The following DISP1 variants were observed in gnomAD, a reference collection of about 807,000 sequenced individuals.
DISP1 encodes protein dispatched homolog 1.
Under a neutral mutation model 37.3 loss-of-function variants are expected in DISP1, and 30 were observed. The observed-to-expected ratio is 0.80, with a 90% confidence interval of 0.60 to 1.09. The LOEUF (loss-of-function observed/expected upper bound fraction) is 1.09, where lower values mean the gene tolerates loss of function less well. Ranked by LOEUF, DISP1 falls within the 50% of genes least tolerant of loss-of-function variation. DISP1 has a pLI of 0.00. For missense variants in DISP1, 1,598 were observed against 1,879.5 expected (o/e 0.85, Z 2.77); for synonymous variants, 634 against 690.2 (o/e 0.92, Z 1.28).
chr1:222,979,096 A>G (rs1677629188), intron 3 of DISP1, among the ~76,000 whole-genome samples: 1 of 152,168 alleles, frequency 6.6e-6, no homozygotes, highest in Non-Finnish European at 1.5e-5. Flanking sequence ...CATTGAATCT[A>G]TAAATTACCT....
At chr1:222,852,333 T>G (rs533567938) in intron 1 of DISP1, among the ~76,000 whole-genome samples, 1 of 152,044 alleles carries the variant, frequency 6.6e-6, no homozygotes, top group Admixed American at 6.6e-5. Context: ...AGTTGTTTTT[T>G]GTTTGTTTGT....
intron 1 of DISP1, among the ~76,000 whole-genome samples, chr1:222,843,415 T>C (rs1391532346): frequency 6.6e-6 from 1 of 152,128 alleles, no homozygotes; most frequent in East Asian, 1.9e-4. Context: ...ACTGTTTGCT[T>C]GCTAAACCAT....
chr1:222,838,558 C>T (rs910181404), intron 1 of DISP1, among the ~76,000 whole-genome samples: 2 of 151,816 alleles, frequency 1.3e-5, no homozygotes, highest in African/African-American at 4.8e-5. Flanking sequence ...CATTTGAGGC[C>T]AGAAGTTAAA....
chr1:222,889,002 A>C (rs952616170), intron 1 of DISP1, among the ~76,000 whole-genome samples: 1 of 152,174 alleles, frequency 6.6e-6, no homozygotes. Context: ...ATTACTTGGA[A>C]TATCCATCAT....
At chr1:222,860,108 G>A (rs1247632492) in intron 1 of DISP1, among the ~76,000 whole-genome samples, 2 of 152,246 alleles carry the variant, frequency 1.3e-5, no homozygotes, top group Non-Finnish European at 2.9e-5. Context: ...CCAGGCTGGA[G>A]TGCAATGGCA....
intron 5 of DISP1, 142 bp downstream of exon 5, chr1:222,990,890 A>C: frequency 2.5e-6 from 3 of 1,209,862 alleles, no homozygotes; most frequent in Non-Finnish European, 3.6e-6. Flanking sequence ...AAGTAAAGAC[A>C]TGACTTTATC....
chr1:222,817,557 A>G (rs1661556135), intron 1 of DISP1, among the ~76,000 whole-genome samples: 1 of 152,224 alleles, frequency 6.6e-6, no homozygotes, highest in Admixed American at 6.5e-5. Flanking sequence ...ATGGGGAAGT[A>G]CAGTTTTTGG....
At chr1:222,881,483 A>G (rs1334842244) in intron 1 of DISP1, among the ~76,000 whole-genome samples, 1 of 152,224 alleles carries the variant, frequency 6.6e-6, no homozygotes, top group Non-Finnish European at 1.5e-5. Context: ...GACATGAGCC[A>G]CCGCCGCTGG....
intron 3 of DISP1, among the ~76,000 whole-genome samples, chr1:222,950,393 G>A (rs1675121608): frequency 1.3e-5 from 2 of 152,142 alleles, no homozygotes; most frequent in African/African-American, 4.8e-5. Context: ...GAGGTCAGGA[G>A]ATCGAGACCG....
At chr1:222,907,154 A>T (rs796579470) in intron 1 of DISP1, among the ~76,000 whole-genome samples, 8 of 152,282 alleles carry the variant, frequency 5.3e-5, no homozygotes, top group African/African-American at 1.7e-4. Flanking sequence ...ATTGTTGTAG[A>T]GGCAAGAATT....
intron 1 of DISP1, chr1:222,836,868 G>A (rs976003281): frequency 1.1e-5 from 4 of 379,038 alleles, no homozygotes; most frequent in Admixed American, 9.0e-5. Flanking sequence ...AATCATTGCT[G>A]GCTATGTGGC....
intron 1 of DISP1, among the ~76,000 whole-genome samples, chr1:222,830,062 C>G (rs1053807228): frequency 6.6e-6 from 1 of 152,050 alleles, no homozygotes; most frequent in African/African-American, 2.4e-5. Context: ...TCAGTAATGA[C>G]TAAGTACATT....
At chr1:222,969,137 G>A (rs1033322760) in intron 3 of DISP1, among the ~76,000 whole-genome samples, 1 of 151,766 alleles carries the variant, frequency 6.6e-6, no homozygotes, top group South Asian at 2.1e-4. Context: ...TTGGGAGGCT[G>A]AGGTGGGTGG....
chr1:222,877,332 C>T (rs188676785), intron 1 of DISP1, among the ~76,000 whole-genome samples: 28 of 152,246 alleles, frequency 1.8e-4, no homozygotes, highest in African/African-American at 6.7e-4. Flanking sequence ...CAAAGAGGAG[C>T]AACTCACCTC....
At chr1:222,887,857 A>T (rs1007115591) in intron 1 of DISP1, among the ~76,000 whole-genome samples, 11 of 152,196 alleles carry the variant, frequency 7.2e-5, no homozygotes, top group Non-Finnish European at 1.6e-4. Context: ...ATGGAAACAG[A>T]TCTTTTGTCC....
At chr1:222,900,132 TATTAAC>T (rs1416286461) in intron 1 of DISP1, among the ~76,000 whole-genome samples, 3 of 152,330 alleles carry the variant, frequency 2.0e-5, no homozygotes, top group African/African-American at 7.2e-5. Context: ...TATATTTCCT[TATTAAC>T]ATTAATCAGT....
chr1:222,868,358 T>G (rs1669321268), intron 1 of DISP1, among the ~76,000 whole-genome samples: 1 of 152,136 alleles, frequency 6.6e-6, no homozygotes, highest in Admixed American at 6.6e-5. Context: ...TATATGTGTG[T>G]GTATATATGT....
At chr1:222,906,267 C>G (rs1416468329) in intron 1 of DISP1, among the ~76,000 whole-genome samples, 1 of 152,158 alleles carries the variant, frequency 6.6e-6, no homozygotes, top group Non-Finnish European at 1.5e-5. Flanking sequence ...TAAACAGATT[C>G]ATGGCGTATT....
chr1:222,908,568 G>A (rs1009993684), intron 1 of DISP1, among the ~76,000 whole-genome samples: 21 of 152,094 alleles, frequency 1.4e-4, no homozygotes, highest in African/African-American at 4.8e-4. Flanking sequence ...GCTAATTTTT[G>A]TATTTTTAGT....
Sources: allele counts gnomAD v4.1 joint callset (sites outside exome capture counted in the v4.1 genomes callset), GRCh38; gene constraint gnomAD v4.1.1; transcripts MANE v1.5; gene names NCBI Gene and HGNC (gene_info 2026-07-23, HGNC 2026-07-21).